DUSP15: variants seen among roughly 807,000 people sequenced by gnomAD.
DUSP15 encodes the protein dual specificity phosphatase 15.
In DUSP15, 23 loss-of-function variants were observed where a neutral mutation model predicts 26.3. The observed-to-expected ratio is 0.87, with a 90% CI of 0.63 to 1.24. The LOEUF is 1.24. Among genes scored for constraint, DUSP15 ranks in the 50% most tolerant of loss-of-function variants. The pLI is 0.00. For missense variants in DUSP15, 364 were observed against 320.6 expected (o/e 1.14, Z -1.03); for synonymous variants, 143 against 135.5 (o/e 1.06, Z -0.39).
exon 8 of DUSP15, chr20:31,849,757 C>T: frequency 6.5e-7 from 1 of 1,540,370 alleles, no homozygotes; most frequent in Non-Finnish European, 8.7e-7. Flanking sequence ...CGTGAGGTGG[C>T]GGCCCCAGCA....
At chr20:31,863,853 G>A (rs1600472817) in intron 5 of DUSP15, 54 bp downstream of exon 5, 2 of 1,550,196 alleles carry the variant, frequency 1.3e-6, no homozygotes, top group East Asian at 4.5e-5. Flanking sequence ...GTGTTCAGCA[G>A]AGGGCACAGC....
downstream of DUSP15, among the ~76,000 whole-genome samples, chr20:31,858,991 G>T (rs2062603884): frequency 6.6e-6 from 1 of 152,212 alleles, no homozygotes; most frequent in Non-Finnish European, 1.5e-5. The surrounding 1 kb of genome is among the most constrained non-coding windows in gnomAD (Gnocchi z 4.4). Context: ...CTGCTCATCA[G>T]TGCTGGGCCT....
At chr20:31,863,835 G>T in intron 5 of DUSP15, 72 bp downstream of exon 5, 1 of 1,447,116 alleles carries the variant, frequency 6.9e-7, no homozygotes, top group Non-Finnish European at 9.7e-7. Flanking sequence ...TTCCCACAGG[G>T]GGAGTGTGTG....
At chr20:31,850,528 GGA>G (rs765660270) in intron 7 of DUSP15, 7 of 1,389,124 alleles carry the variant, frequency 5.0e-6, no homozygotes, top group Non-Finnish European at 7.0e-6. Context: ...GCTTTGGGTG[GGA>G]GAGAGAGGTG....
At chr20:31,865,552 T>C (rs2062748734) in intron 3 of DUSP15, among the ~76,000 whole-genome samples, 1 of 152,242 alleles carries the variant, frequency 6.6e-6, no homozygotes, top group Non-Finnish European at 1.5e-5. Flanking sequence ...AGATTATTTT[T>C]GCCCGCCTCC....
downstream of DUSP15, chr20:31,860,964 C>G: frequency 1.0e-6 from 1 of 987,900 alleles, no homozygotes; most frequent in Non-Finnish European, 1.2e-6. Context: ...GATGCAGGCT[C>G]CCTCGCATCC....
chr20:31,851,996 TTTTC>T (rs199612294), intron 6 of DUSP15, among the ~76,000 whole-genome samples: 6,645 of 141,094 alleles, frequency 0.047, 163 homozygotes, highest in Middle Eastern at 0.12. Context: ...AGTTTCCTCC[TTTTC>T]TTTCTTTCTT....
chr20:31,846,072 G>A (rs1003307837), downstream of DUSP15, among the ~76,000 whole-genome samples: 5 of 150,254 alleles, frequency 3.3e-5, no homozygotes, highest in African/African-American at 9.8e-5. Context: ...AGACATACAC[G>A]TACAGACACA....
At chr20:31,851,155 G>C (rs1223409003) in intron 6 of DUSP15, among the ~76,000 whole-genome samples, 2 of 152,190 alleles carry the variant, frequency 1.3e-5, no homozygotes, top group Admixed American at 1.3e-4. Flanking sequence ...GAAAGTTGAT[G>C]AAGATGTTGT....
At chr20:31,870,593 GC>G, upstream of DUSP15, 5 of 1,406,686 alleles carry the variant, frequency 3.6e-6, no homozygotes, top group Middle Eastern at 2.1e-4. The surrounding 1 kb of genome is among the most constrained non-coding windows in gnomAD (Gnocchi z 6.6). Flanking sequence ...GTCATGTGGG[GC>G]CCCCGCCTCG....
chr20:31,848,513 G>A (rs767319791), exon 10 of DUSP15: 1 of 1,608,446 alleles, frequency 6.2e-7, no homozygotes, highest in Middle Eastern at 1.7e-4. Context: ...TGGGCGCTCG[G>A]TTGAGGCACT....
Position 31,850,805 on chromosome 20 carries a change from C to G in DUSP15, c.427-129G>C, listed in dbSNP as rs113436557. 6,211 of 958,504 alleles carry G rather than the reference C, an allele frequency of 6.5e-3. 272 individuals carry two copies. The African/African-American group carries it at 0.091, about 14-fold the overall frequency. 59.4% of individuals were successfully genotyped at this position (958,504 alleles called of 1,614,324 possible). A position where few individuals can be genotyped will look rare whatever the true frequency, so the allele number is the denominator to read the frequency against. ...TCCTTACTGTGGTCAACCAAAGGGCCTGGAGGAGGATGGGTGGTAGTAAGG... is the reference window on the plus strand; with the variant it reads ...TCCTTACTGTGGTCAACCAAAGGGCGTGGAGGAGGATGGGTGGTAGTAAGG... On this transcript the variant is annotated intron_variant, in intron 6 of 9. Coordinates refer to the DUSP15 transcript ENST00000278979.
At chr20:31,854,237 G>A (rs958275131) in intron 6 of DUSP15, among the ~76,000 whole-genome samples, 1 of 152,132 alleles carries the variant, frequency 6.6e-6, no homozygotes, top group African/African-American at 2.4e-5. Context: ...GGTCTTGTTG[G>A]AAACATGGAC....
chr20:31,862,538 CT>C, intron 6 of DUSP15, 32 bp downstream of exon 6: 1 of 1,557,270 alleles, frequency 6.4e-7, no homozygotes, highest in East Asian at 2.3e-5. Flanking sequence ...TCTCCCACCC[CT>C]GGCCCAACCC....
chr20:31,846,698 A>T (rs2062382035), downstream of DUSP15, among the ~76,000 whole-genome samples: 1 of 152,108 alleles, frequency 6.6e-6, no homozygotes, highest in Admixed American at 6.5e-5. Flanking sequence ...AGGAGAGCCC[A>T]TGAAATTCAG....
At chr20:31,853,644 A>G (rs1167906027) in intron 6 of DUSP15, among the ~76,000 whole-genome samples, 1 of 151,164 alleles carries the variant, frequency 6.6e-6, no homozygotes, top group African/African-American at 2.4e-5. Flanking sequence ...CCGTGATCAC[A>G]CCACTTCACT....
chr20:31,850,499 T>C (rs986073795), intron 7 of DUSP15: 24 of 1,120,480 alleles, frequency 2.1e-5, no homozygotes, highest in South Asian at 1.2e-4. Flanking sequence ...GTGGCTATTA[T>C]TGGGAGCCTG....
chr20:31,855,250 A>C (rs2062541858), intron 6 of DUSP15, among the ~76,000 whole-genome samples: 1 of 152,176 alleles, frequency 6.6e-6, no homozygotes, highest in South Asian at 2.1e-4. Context: ...GTTTGACCTG[A>C]GCTTCGAATG....
chr20:31,847,443 G>C (rs1366487468), downstream of DUSP15, among the ~76,000 whole-genome samples: 1 of 152,200 alleles, frequency 6.6e-6, no homozygotes, highest in African/African-American at 2.4e-5. Flanking sequence ...AACAGAGTAG[G>C]TGTTCAAGAA....
Sources: allele counts gnomAD v4.1 joint callset (sites outside exome capture counted in the v4.1 genomes callset), GRCh38; gene constraint gnomAD v4.1.1; non-coding constraint Gnocchi (gnomAD v3.1); transcripts MANE v1.5; gene names NCBI Gene and HGNC (gene_info 2026-07-23, HGNC 2026-07-21).